TMED8: variants seen among roughly 807,000 people sequenced by gnomAD.
TMED8 encodes protein TMED8.
TMED8 carries 15 observed loss-of-function variants against 32.7 expected under a neutral mutation model. The observed-to-expected ratio is 0.46, with a 90% CI of 0.31 to 0.71. TMED8 has a LOEUF of 0.71. Ranked by LOEUF, TMED8 falls within the 30% of genes least tolerant of loss-of-function variation. TMED8 has a pLI of 0.06. For missense variants in TMED8, 390 were observed against 423.9 expected (o/e 0.92, Z 0.70); for synonymous variants, 147 against 161.4 (o/e 0.91, Z 0.68).
intron 1 of TMED8, among the ~76,000 whole-genome samples, chr14:77,366,403 A>C (rs1173896146): frequency 2.0e-5 from 3 of 152,222 alleles, no homozygotes; most frequent in Non-Finnish European, 4.4e-5. Context: ...GAGTGGGACA[A>C]ATGAGAGACA....
In TMED8 at chr14:77,337,104, G is replaced by A. The variant is rs901030799; in HGVS notation, c.*4667C>T. 8.5e-5 allele frequency: 13 copies of A among 152,052 alleles called. No individual in the cohort carries two copies. Among genetic ancestry groups the A allele is most frequent in the African/African-American group, 2.7e-4 (11 of 41,384 alleles). 9.4% of individuals were successfully genotyped at this position (152,052 alleles called of 1,614,324 possible). A position where few individuals can be genotyped will look rare whatever the true frequency, so the allele number is the denominator to read the frequency against. ...AAATAACAAAAATATTTTTTAAAGT[G>A]CATGTATCAATTCATTAAGAAAAAA... is the stretch of plus-strand genomic sequence containing the variant. On this transcript the variant is annotated 3_prime_UTR_variant, in exon 6 of 6. Coordinates refer to ENST00000216468, the MANE Select transcript of TMED8 (RefSeq NM_213601.3).
At position 77,338,232 on chromosome 14, in the gene TMED8, C is replaced by T. The variant is rs1892812395; in HGVS notation, c.*3539G>A. 6.6e-6 allele frequency: 1 copy of T among 152,160 alleles called. No homozygotes were observed. Among genetic ancestry groups the T allele is most frequent in the South Asian group, 2.1e-4 (1 of 4,832 alleles). The allele number at this position is 152,160 out of a possible 1,614,324, so 9.4% of individuals were successfully genotyped here. On this transcript the variant is annotated 3_prime_UTR_variant, in exon 6 of 6. Transcript: ENST00000216468. ...GCAGGCCCCAAAGGAAATTTACCCCCCAATATATTTATTTGACGTATTTTG... is the reference window on the plus strand; with the variant it reads ...GCAGGCCCCAAAGGAAATTTACCCCTCAATATATTTATTTGACGTATTTTG...
intron 1 of TMED8, 48 bp from the exon 2 acceptor site, chr14:77,351,799 A>G (rs757891277): frequency 2.0e-6 from 3 of 1,469,302 alleles, no homozygotes; most frequent in Non-Finnish European, 2.8e-6. Flanking sequence ...AGGGAATACA[A>G]TCATAATTAT....
chr14:77,354,901 G>A (rs1893257007), intron 1 of TMED8, among the ~76,000 whole-genome samples: 1 of 151,670 alleles, frequency 6.6e-6, no homozygotes, highest in Non-Finnish European at 1.5e-5. Context: ...TTGCAGTGAG[G>A]TAAGATTGCA....
At chr14:77,353,662 G>C (rs1206461838) in intron 1 of TMED8, among the ~76,000 whole-genome samples, 2 of 148,150 alleles carry the variant, frequency 1.3e-5, no homozygotes, top group African/African-American at 5.0e-5. Context: ...TCACTATGTT[G>C]CCCAGGAAGG....
intron 1 of TMED8, among the ~76,000 whole-genome samples, chr14:77,354,954 C>CAA (rs58297150): frequency 1.1e-3 from 141 of 130,494 alleles, no homozygotes; most frequent in African/African-American, 3.7e-3. Context: ...AACTCTGTCT[C>CAA]AAAAAAAAAA....
rs994598975 is a variant in TMED8, at chr14:77,339,513, A to C, written c.*2258T>G. The stretch of plus-strand genomic sequence containing the variant: ...ATTTGAGAGAAAGGCAGAAGTTAAT[A>C]ATAAACAGGAAAAATAAGCAAGGCT... On this transcript the variant is annotated 3_prime_UTR_variant, in exon 6 of 6. Coordinates refer to ENST00000216468, the MANE Select transcript of TMED8 (RefSeq NM_213601.3). The C allele has an allele frequency of 6.6e-6, 1 of 152,254 alleles. No homozygotes were observed. Among genetic ancestry groups the C allele is most frequent in the African/African-American group, 2.4e-5 (1 of 41,468 alleles). 9.4% of individuals were successfully genotyped at this position (152,254 alleles called of 1,614,324 possible).
At chr14:77,369,981 G>A (rs1401901800) in intron 1 of TMED8, among the ~76,000 whole-genome samples, 1 of 152,142 alleles carries the variant, frequency 6.6e-6, no homozygotes, top group African/African-American at 2.4e-5. Flanking sequence ...AGACCAACCT[G>A]GCCAGCATGG....
rs1381745121 is a variant in TMED8, at chr14:77,341,433, G to A, written c.*338C>T. The A allele has an allele frequency of 3.3e-6, 1 of 305,400 alleles. No individual in the cohort carries two copies. The highest frequency in any genetic ancestry group is 2.2e-5 in the African/African-American group (1 of 46,236). The allele number at this position is 305,400 out of a possible 1,614,324, so 18.9% of individuals were successfully genotyped here. On this transcript the variant is annotated 3_prime_UTR_variant, in exon 6 of 6. Transcript: ENST00000216468. ...GTGGGAGAGGAGAGGGCAGCAATCT[G>A]AATGATAAACCTGTGCCAAGATGAA...
chr14:77,346,292 ATGTG>A (rs1389664913), intron 3 of TMED8, 53 bp downstream of exon 3: 8 of 1,588,806 alleles, frequency 5.0e-6, no homozygotes, highest in Non-Finnish European at 6.9e-6. Flanking sequence ...CCCAACCACT[ATGTG>A]TCCACATTCT....
rs1422412935 is a variant in TMED8, at chr14:77,346,496, C to A, written c.198-18G>T. The A allele has an allele frequency of 2.5e-6, 4 of 1,613,758 alleles. No homozygotes were observed. Among genetic ancestry groups the A allele is most frequent in the Non-Finnish European group, 3.4e-6 (4 of 1,179,886 alleles). ...TCTGTGGCCTCTCAGAGGAAGAGAG[C>A]ATGTTAATTCAAGGACTCTTTGAAA... is the stretch of plus-strand genomic sequence containing the variant. On this transcript the variant is annotated intron_variant, in intron 2 of 5. Coordinates refer to ENST00000216468, the MANE Select transcript of TMED8 (RefSeq NM_213601.3).
chr14:77,346,261 C>G (rs1224063795), intron 3 of TMED8, 88 bp downstream of exon 3: 2 of 1,413,544 alleles, frequency 1.4e-6, no homozygotes, highest in Non-Finnish European at 1.9e-6. Context: ...GAGCCACCCT[C>G]GCAGTGCTTT....
At chr14:77,373,790 A>G (rs1347583136) in intron 1 of TMED8, among the ~76,000 whole-genome samples, 1 of 152,114 alleles carries the variant, frequency 6.6e-6, no homozygotes, top group African/African-American at 2.4e-5. Flanking sequence ...GATCGTGGAG[A>G]TGAATCCCTC....
At position 77,338,730 on chromosome 14, in the gene TMED8, C is replaced by T. The variant is rs894755267; in HGVS notation, c.*3041G>A. The T allele has an allele frequency of 6.6e-6, 1 of 152,222 alleles. No individual in the cohort carries two copies. Among genetic ancestry groups the T allele is most frequent in the African/African-American group, 2.4e-5 (1 of 41,446 alleles). 9.4% of individuals were successfully genotyped at this position (152,222 alleles called of 1,614,324 possible). A position where few individuals can be genotyped will look rare whatever the true frequency, so the allele number is the denominator to read the frequency against. The stretch of plus-strand genomic sequence containing the variant: ...CTCTGAACCTTGGCAAAATAAACCT[C>T]TAAATGTATTGAGACCTGTCTCAGA... On this transcript the variant is annotated 3_prime_UTR_variant, in exon 6 of 6. Transcript: ENST00000216468.
At chr14:77,367,240 T>TAA (rs56707120) in intron 1 of TMED8, among the ~76,000 whole-genome samples, 38 of 25,016 alleles carry the variant, frequency 1.5e-3, no homozygotes, top group Non-Finnish European at 1.9e-3. Context: ...AGACTCTGTC[T>TAA]AAAAAAAAAA....
chr14:77,360,617 A>G (rs1893414439), intron 1 of TMED8, among the ~76,000 whole-genome samples: 1 of 152,304 alleles, frequency 6.6e-6, no homozygotes, highest in South Asian at 2.1e-4. Flanking sequence ...ACGGACACAT[A>G]GATTGTTTTC....
chr14:77,360,414 T>A (rs1893408555), intron 1 of TMED8, among the ~76,000 whole-genome samples: 1 of 152,166 alleles, frequency 6.6e-6, no homozygotes, highest in Non-Finnish European at 1.5e-5. Flanking sequence ...GACTTTTTTT[T>A]TTTTAGATTA....
intron 1 of TMED8, among the ~76,000 whole-genome samples, chr14:77,355,359 T>C (rs548126005): frequency 1.8e-4 from 28 of 152,032 alleles, no homozygotes; most frequent in Non-Finnish European, 3.8e-4. Flanking sequence ...CACACCCGGC[T>C]AATTTTTTGT....
chr14:77,373,329 A>G (rs1451286260), intron 1 of TMED8, among the ~76,000 whole-genome samples: 2 of 152,050 alleles, frequency 1.3e-5, no homozygotes, highest in Non-Finnish European at 2.9e-5. Context: ...CAAAAACAAA[A>G]AAACCTGCCT....
Sources: gnomAD v4.1 joint callset for allele counts (sites outside exome capture counted in the v4.1 genomes callset) on GRCh38, gnomAD v4.1.1 for gene constraint, MANE v1.5 for transcripts, NCBI Gene and HGNC (gene_info 2026-07-23, HGNC 2026-07-21) for gene names.